The following KLRG1 variants were observed in gnomAD, a reference collection of about 807,000 sequenced individuals.
KLRG1 encodes the protein killer cell lectin-like receptor subfamily G member 1.
A neutral mutation model predicts 21.8 loss-of-function variants in KLRG1; 16 were observed. That is an observed-to-expected ratio of 0.73 (90% CI 0.50 to 1.11). KLRG1 has a LOEUF of 1.11. Among genes scored for constraint, KLRG1 ranks in the 50% most tolerant of loss-of-function variants. The probability of loss-of-function intolerance (pLI) is 0.00; values close to 1 mark genes in which losing one functional copy is unlikely to be tolerated. For missense variants in KLRG1, 173 were observed against 218.3 expected, an observed-to-expected ratio of 0.79 and a Z score of 1.31; for synonymous variants, 69 against 75.9, an observed-to-expected ratio of 0.91 and a Z score of 0.47.
the KLRG1 span, among the ~76,000 whole-genome samples, chr12:9,185,526 C>G: frequency 6.6e-6 from 1 of 152,188 alleles, no homozygotes; most frequent in Non-Finnish European, 1.5e-5. Flanking sequence ...GGATATCATC[C>G]ATGAGAACTT....
the KLRG1 span, chr12:9,201,136 G>A: frequency 1.3e-6 from 2 of 1,542,852 alleles, no homozygotes; most frequent in Admixed American, 1.8e-5. Flanking sequence ...GATTTTGAAG[G>A]TGATAATTAG....
At chr12:9,150,817 C>A in the KLRG1 span, 7 of 946,858 alleles carry the variant, frequency 7.4e-6, no homozygotes, top group South Asian at 1.4e-5. Context: ...AAAACATATT[C>A]TTATTGTTCT....
the KLRG1 span, chr12:9,099,606 T>C: frequency 1.4e-6 from 2 of 1,454,586 alleles, no homozygotes; most frequent in Non-Finnish European, 1.8e-6. Context: ...TAATAAACAG[T>C]AGATGTAACA....
At chr12:9,163,710 C>T in the KLRG1 span, 5 of 1,613,830 alleles carry the variant, frequency 3.1e-6, no homozygotes, top group Non-Finnish European at 4.2e-6. Context: ...TTCTTTTAAT[C>T]TCAGGGACCT....
At chr12:9,133,603 T>G in the KLRG1 span, among the ~76,000 whole-genome samples, 1 of 152,208 alleles carries the variant, frequency 6.6e-6, no homozygotes, top group Non-Finnish European at 1.5e-5. Flanking sequence ...AAGACCTCTC[T>G]TATGATATGG....
At chr12:9,157,063 T>C in the KLRG1 span, 1 of 991,872 alleles carries the variant, frequency 1.0e-6, no homozygotes, top group Non-Finnish European at 1.5e-6. Flanking sequence ...ATTAGCTATC[T>C]ATCCTGATGC....
chr12:9,209,428 G>GTT, the KLRG1 span, among the ~76,000 whole-genome samples: 13 of 151,604 alleles, frequency 8.6e-5, no homozygotes, highest in African/African-American at 1.5e-4. Flanking sequence ...ATTATGAAAT[G>GTT]TTATATATAT....
At chr12:9,193,391 C>A in the KLRG1 span, among the ~76,000 whole-genome samples, 2 of 152,098 alleles carry the variant, frequency 1.3e-5, no homozygotes, top group South Asian at 4.1e-4. Context: ...TTTAAAAAAA[C>A]CTTTTGCGCA....
chr12:9,153,068 C>T, the KLRG1 span: 1 of 1,607,110 alleles, frequency 6.2e-7, no homozygotes, highest in Non-Finnish European at 8.5e-7. Context: ...AACAGAGTTT[C>T]CATTTCAATT....
chr12:9,034,021 C>A, the KLRG1 span, among the ~76,000 whole-genome samples: 1 of 152,228 alleles, frequency 6.6e-6, no homozygotes, highest in South Asian at 2.1e-4. Flanking sequence ...AGGGATGTAT[C>A]TCTGTGTAGG....
At chr12:9,050,592 C>T in the KLRG1 span, among the ~76,000 whole-genome samples, 2 of 152,278 alleles carry the variant, frequency 1.3e-5, no homozygotes, top group South Asian at 2.1e-4. Flanking sequence ...CGCCCAAATG[C>T]GCTTGTGGAT....
the KLRG1 span, chr12:9,111,858 T>G: frequency 2.4e-6 from 1 of 423,316 alleles, no homozygotes; most frequent in Non-Finnish European, 4.5e-6. Context: ...CTTAGGTTCT[T>G]TGAGGATTTT....
the KLRG1 span, among the ~76,000 whole-genome samples, chr12:9,165,764 C>G: frequency 5.3e-5 from 8 of 152,316 alleles, no homozygotes; most frequent in African/African-American, 1.9e-4. Context: ...CTGATATTTA[C>G]AGAAGGCTCC....
intron 3 of KLRG1, among the ~76,000 whole-genome samples, chr12:9,004,474 AT>A (rs1451208885): frequency 6.6e-6 from 1 of 152,104 alleles, no homozygotes; most frequent in Non-Finnish European, 1.5e-5. Flanking sequence ...ATTAAACATA[AT>A]TTTTTAAAAA....
the KLRG1 span, among the ~76,000 whole-genome samples, chr12:9,142,653 C>G: frequency 6.6e-6 from 1 of 152,098 alleles, no homozygotes; most frequent in African/African-American, 2.4e-5. Context: ...ACACAGACAA[C>G]CAGAAGAAAA....
chr12:9,110,311 T>C, the KLRG1 span: 1 of 1,463,806 alleles, frequency 6.8e-7, no homozygotes, highest in Non-Finnish European at 9.3e-7. Flanking sequence ...TCATGTTGCT[T>C]ACCTGAATGT....
the KLRG1 span, among the ~76,000 whole-genome samples, chr12:9,070,323 G>A: frequency 6.6e-6 from 1 of 152,214 alleles, no homozygotes; most frequent in Non-Finnish European, 1.5e-5. Context: ...TCTGCACATG[G>A]TCAGCATTCA....
At chr12:9,127,002 C>T in the KLRG1 span, among the ~76,000 whole-genome samples, 60,036 of 152,004 alleles carry the variant, frequency 0.39, 12,273 homozygotes, top group African/African-American at 0.45. Flanking sequence ...AAGCTCTAGA[C>T]ACTACATTCT....
the KLRG1 span, among the ~76,000 whole-genome samples, chr12:9,085,144 A>C: frequency 6.6e-6 from 1 of 152,112 alleles, no homozygotes; most frequent in East Asian, 1.9e-4. Flanking sequence ...TTAATAAGAA[A>C]ACGTTGAACT....
Sources: gnomAD v4.1 joint callset for allele counts (sites outside exome capture counted in the v4.1 genomes callset) on GRCh38, gnomAD v4.1.1 for gene constraint, MANE v1.5 for transcripts, NCBI Gene and HGNC (gene_info 2026-07-23, HGNC 2026-07-21) for gene names.